The following GRID2 variants were observed in gnomAD, a reference collection of about 807,000 sequenced individuals.
GRID2 encodes glutamate receptor ionotropic, delta-2.
A neutral mutation model predicts 114.8 loss-of-function variants in GRID2; 33 were observed. The observed-to-expected ratio is 0.29, with a 90% CI of 0.22 to 0.38. The LOEUF (loss-of-function observed/expected upper bound fraction) is 0.38. Among genes scored for constraint, GRID2 ranks in the 10% least tolerant of loss-of-function variants. GRID2 has a pLI of 1.00. For missense variants in GRID2, 1,184 were observed against 1,257.7 expected (o/e 0.94, Z 0.89); for synonymous variants, 505 against 449.9 (o/e 1.12, Z -1.55).
rs146395654 is a variant in GRID2, at chr4:92,771,184, G to T, written c.244+180898G>T. Among the ~76,000 whole-genome samples the T allele has an allele frequency of 4.3e-3, 656 of 152,210 alleles. 3 individuals are homozygous for T. The highest frequency in any genetic ancestry group is 8.7e-3 in the South Asian group (42 of 4,826). On this transcript the variant is annotated intron_variant, in intron 2 of 15. Transcript: ENST00000282020. ...CTTTATTAATCTCAGACAACTAGTTGTTTGGATCCCATTTTGAGAAACCTT... is the reference window on the plus strand; with the variant it reads ...CTTTATTAATCTCAGACAACTAGTTTTTTGGATCCCATTTTGAGAAACCTT...
chr4:93,256,783 A>G (rs1749645736), intron 8 of GRID2, among the ~76,000 whole-genome samples: 1 of 151,912 alleles, frequency 6.6e-6, no homozygotes, highest in Admixed American at 6.6e-5. Context: ...ACTGCGAGGG[A>G]AAAGGGTCAA....
At chr4:93,632,472 G>T (rs1243415884) in intron 14 of GRID2, among the ~76,000 whole-genome samples, 1 of 152,124 alleles carries the variant, frequency 6.6e-6, no homozygotes. Context: ...ATTAAATAGG[G>T]AATCCTTTCC....
chr4:92,470,349 GT>G (rs35158685), intron 1 of GRID2, among the ~76,000 whole-genome samples: 26,161 of 150,502 alleles, frequency 0.17, 3,077 homozygotes, highest in African/African-American at 0.34. Flanking sequence ...ACACAAACAT[GT>G]TTTTTTTTAA....
chr4:93,093,969 A>G (rs898386193), intron 3 of GRID2, among the ~76,000 whole-genome samples: 3 of 152,032 alleles, frequency 2.0e-5, no homozygotes, highest in Non-Finnish European at 4.4e-5. Flanking sequence ...TCCAAGCTCT[A>G]TATCTTCATG....
intron 8 of GRID2, among the ~76,000 whole-genome samples, chr4:93,271,991 A>G (rs1751515951): frequency 6.6e-6 from 1 of 152,218 alleles, no homozygotes; most frequent in Non-Finnish European, 1.5e-5. Flanking sequence ...CCTGAAGATT[A>G]AGGGTAATGA....
chr4:92,689,499 A>G (rs902105247), intron 2 of GRID2, among the ~76,000 whole-genome samples: 1 of 152,218 alleles, frequency 6.6e-6, no homozygotes, highest in African/African-American at 2.4e-5. Context: ...AAGCATTACC[A>G]TCTGAGCCCA....
At chr4:92,732,727 ATCTT>A (rs1218399346) in intron 2 of GRID2, among the ~76,000 whole-genome samples, 1 of 152,100 alleles carries the variant, frequency 6.6e-6, no homozygotes, top group Non-Finnish European at 1.5e-5. Flanking sequence ...CTATCTGTCT[ATCTT>A]TCTATCTATC....
chr4:93,059,433 C>T (rs984309947), intron 2 of GRID2, among the ~76,000 whole-genome samples: 20 of 152,076 alleles, frequency 1.3e-4, no homozygotes, highest in Admixed American at 6.6e-5. Context: ...GACAGCAATT[C>T]CATCATGCTC....
At chr4:93,315,006 T>C (rs1756435234) in intron 8 of GRID2, among the ~76,000 whole-genome samples, 1 of 151,906 alleles carries the variant, frequency 6.6e-6, no homozygotes, top group Admixed American at 6.6e-5. Context: ...AGAAAAGAGG[T>C]TTAATTGACT....
At chr4:92,440,072 C>T (rs907441021) in intron 1 of GRID2, among the ~76,000 whole-genome samples, 4 of 146,072 alleles carry the variant, frequency 2.7e-5, no homozygotes, top group African/African-American at 9.8e-5. Context: ...GGGCTGTACC[C>T]TGTAGCATTC....
rs550755145 is a variant in GRID2 at position 92,649,631 on chromosome 4, T to C, written c.244+59345T>C. Among the ~76,000 whole-genome samples the C allele has an allele frequency of 8.5e-5, 13 of 152,076 alleles. No homozygotes were observed. The East Asian group carries it at 2.5e-3, about 30-fold the overall frequency. ...AAATTAACCATCACAAGTCCATCAC[T>C]GGGTACCCATAGGTATTTCCTTGAA... On this transcript the variant is annotated intron_variant, in intron 2 of 15. Coordinates refer to ENST00000282020, the MANE Select transcript of GRID2 (RefSeq NM_001510.4).
chr4:93,159,663 TAAGAC>T (rs1396244520), intron 4 of GRID2, among the ~76,000 whole-genome samples: 1 of 149,528 alleles, frequency 6.7e-6, no homozygotes, highest in African/African-American at 2.4e-5. Context: ...ACACTGAAAA[TAAGAC>T]AGATAAGAAT....
At chr4:92,705,140 T>C (rs1734894967) in intron 2 of GRID2, among the ~76,000 whole-genome samples, 1 of 152,152 alleles carries the variant, frequency 6.6e-6, no homozygotes, top group Non-Finnish European at 1.5e-5. Flanking sequence ...AATATACCTG[T>C]AATAAGAGTA....
At chr4:92,905,842 T>C (rs1005688445) in intron 2 of GRID2, among the ~76,000 whole-genome samples, 8 of 148,624 alleles carry the variant, frequency 5.4e-5, no homozygotes, top group Non-Finnish European at 3.0e-5. Flanking sequence ...AATAGAGATT[T>C]AAGGTAAACT....
intron 2 of GRID2, among the ~76,000 whole-genome samples, chr4:92,910,442 A>G (rs1323396551): frequency 6.6e-6 from 1 of 152,140 alleles, no homozygotes; most frequent in Non-Finnish European, 1.5e-5. Context: ...GTGGTAATTA[A>G]GCATTTGATT....
intron 14 of GRID2, among the ~76,000 whole-genome samples, chr4:93,730,979 G>A (rs985553850): frequency 6.6e-6 from 1 of 152,174 alleles, no homozygotes; most frequent in Admixed American, 6.5e-5. Flanking sequence ...GGCGTGGGGA[G>A]GGCAGTTTCC....
At chr4:92,704,611 G>C (rs1319299846) in intron 2 of GRID2, among the ~76,000 whole-genome samples, 1 of 152,060 alleles carries the variant, frequency 6.6e-6, no homozygotes, top group Non-Finnish European at 1.5e-5. Flanking sequence ...TGATTGTATA[G>C]ATGATGGAGA....
chr4:93,073,205 A>G (rs1728961419), intron 2 of GRID2, among the ~76,000 whole-genome samples: 1 of 152,224 alleles, frequency 6.6e-6, no homozygotes, highest in Non-Finnish European at 1.5e-5. Flanking sequence ...GGCAGAAAAA[A>G]GAAGCCATGA....
intron 13 of GRID2, among the ~76,000 whole-genome samples, chr4:93,540,127 C>A (rs1333881887): frequency 2.0e-5 from 3 of 151,866 alleles, no homozygotes; most frequent in African/African-American, 7.3e-5. Context: ...CTATTCTTAT[C>A]TTTCAAAACT....
Sources: gnomAD v4.1 joint callset for allele counts (sites outside exome capture counted in the v4.1 genomes callset) on GRCh38, gnomAD v4.1.1 for gene constraint, MANE v1.5 for transcripts, NCBI Gene and HGNC (gene_info 2026-07-23, HGNC 2026-07-21) for gene names.